Variants in SRGAP1 observed in about 807,000 individuals in gnomAD.
SRGAP1 encodes SLIT-ROBO Rho GTPase-activating protein 1.
SRGAP1 carries 43 observed loss-of-function variants against 121.9 expected under a neutral mutation model. The observed-to-expected ratio is 0.35, with a 90% CI of 0.28 to 0.46. The LOEUF (loss-of-function observed/expected upper bound fraction) is 0.46, where lower values mean the gene tolerates loss of function less well. Ranked by LOEUF, SRGAP1 falls within the 20% of genes least tolerant of loss-of-function variation. SRGAP1 has a pLI of 1.00. For synonymous variants in SRGAP1, 447 were observed against 485.4 expected, an observed-to-expected ratio of 0.92 and a Z score of 1.04; for missense variants, 1,102 against 1,350.9, an observed-to-expected ratio of 0.82 and a Z score of 2.89.
chr12:63,866,847 G>A (rs1899652075), intron 1 of SRGAP1, among the ~76,000 whole-genome samples: 1 of 151,754 alleles, frequency 6.6e-6, no homozygotes, highest in Admixed American at 6.6e-5. Context: ...AGATAAGGGA[G>A]GAGATAAGGT....
At chr12:63,913,365 C>T (rs1156515735) in intron 1 of SRGAP1, among the ~76,000 whole-genome samples, 2 of 146,814 alleles carry the variant, frequency 1.4e-5, no homozygotes, top group Non-Finnish European at 3.0e-5. Context: ...CACATATTGC[C>T]CAGGCTGGTC....
intron 18 of SRGAP1, among the ~76,000 whole-genome samples, chr12:64,122,640 G>T (rs1035110880): frequency 6.6e-6 from 1 of 152,156 alleles, no homozygotes; most frequent in African/African-American, 2.4e-5. Flanking sequence ...TGGCTTACAC[G>T]TGTAATCTCA....
At chr12:64,051,247 A>C (rs1271421353) in intron 6 of SRGAP1, among the ~76,000 whole-genome samples, 6 of 152,236 alleles carry the variant, frequency 3.9e-5, no homozygotes, top group Admixed American at 3.9e-4. Flanking sequence ...GGCATACCAC[A>C]ACATCTATTT....
chr12:64,068,203 C>T (rs1396888969), intron 8 of SRGAP1, among the ~76,000 whole-genome samples: 1 of 145,530 alleles, frequency 6.9e-6, no homozygotes, highest in Non-Finnish European at 1.5e-5. Context: ...CACTTGAACC[C>T]GGGAGATTGC....
At chr12:63,974,750 A>G (rs1314166694) in intron 1 of SRGAP1, among the ~76,000 whole-genome samples, 1 of 152,160 alleles carries the variant, frequency 6.6e-6, no homozygotes, top group East Asian at 1.9e-4. Flanking sequence ...GACCTTAGGG[A>G]GTCATATTTT....
At chr12:63,965,055 G>C (rs1182486983) in intron 1 of SRGAP1, among the ~76,000 whole-genome samples, 1 of 152,118 alleles carries the variant, frequency 6.6e-6, no homozygotes, top group East Asian at 1.9e-4. Context: ...GACTAATTAG[G>C]GGACCTTTTT....
intron 8 of SRGAP1, among the ~76,000 whole-genome samples, chr12:64,065,583 A>C (rs1481265332): frequency 6.6e-6 from 1 of 152,150 alleles, no homozygotes; most frequent in African/African-American, 2.4e-5. Flanking sequence ...TATTTTAAAA[A>C]ATATTTTGTA....
At chr12:64,133,107 G>C (rs1360947186) in intron 21 of SRGAP1, among the ~76,000 whole-genome samples, 3 of 152,180 alleles carry the variant, frequency 2.0e-5, no homozygotes, top group African/African-American at 7.2e-5. Context: ...AAATGGGAGA[G>C]TTGAATGAGG....
At chr12:63,919,019 T>G (rs1049482233) in intron 1 of SRGAP1, among the ~76,000 whole-genome samples, 2 of 152,000 alleles carry the variant, frequency 1.3e-5, no homozygotes, top group Non-Finnish European at 2.9e-5. Flanking sequence ...CGTATTTTGG[T>G]TTTTTTGGGG....
rs149459260 is a variant in SRGAP1 at position 64,003,620 on chromosome 12, G to A, written c.427-13330G>A. ...GAGGGAAGAATCAGTGTATATGAAG[G>A]TAGTGTAACAGATATTACCTGGTCT... is the stretch of plus-strand genomic sequence containing the variant. On this transcript the variant is annotated intron_variant, in intron 3 of 21. Coordinates refer to ENST00000355086, the MANE Select transcript of SRGAP1 (RefSeq NM_020762.4). Among the ~76,000 whole-genome samples, 789 of 151,988 alleles carry A rather than the reference G, an allele frequency of 5.2e-3. 5 individuals carry two copies. The highest frequency in any genetic ancestry group is 0.017 in the African/African-American group (723 of 41,460).
At chr12:64,098,669 CA>C (rs569203182) in intron 15 of SRGAP1, among the ~76,000 whole-genome samples, 1,568 of 143,140 alleles carry the variant, frequency 0.011, 36 homozygotes, top group African/African-American at 0.041. Flanking sequence ...GACTCTGTCT[CA>C]AAAAAAAATA....
At chr12:64,136,369 A>C (rs2036856004) in intron 21 of SRGAP1, among the ~76,000 whole-genome samples, 1 of 152,130 alleles carries the variant, frequency 6.6e-6, no homozygotes, top group Non-Finnish European at 1.5e-5. Context: ...CCTGTCTCCA[A>C]ATATATGTAT....
At chr12:64,123,771 A>G (rs2036643484) in intron 18 of SRGAP1, among the ~76,000 whole-genome samples, 2 of 151,492 alleles carry the variant, frequency 1.3e-5, no homozygotes, top group South Asian at 2.1e-4. Context: ...TTGGCCTCCC[A>G]AAGTGCTGGG....
chr12:64,119,412 A>G (rs966062277), intron 18 of SRGAP1, among the ~76,000 whole-genome samples: 1 of 152,244 alleles, frequency 6.6e-6, no homozygotes, highest in Non-Finnish European at 1.5e-5. Flanking sequence ...AACCCTCTAA[A>G]GCCCAACTGG....
intron 18 of SRGAP1, among the ~76,000 whole-genome samples, chr12:64,122,915 A>G (rs906880473): frequency 2.0e-5 from 3 of 152,144 alleles, no homozygotes; most frequent in African/African-American, 4.8e-5. Flanking sequence ...ATAAAATAAT[A>G]ATAAGAGGAG....
At chr12:64,045,187 T>G (rs1565654907) in intron 6 of SRGAP1, among the ~76,000 whole-genome samples, 1 of 152,182 alleles carries the variant, frequency 6.6e-6, no homozygotes, top group East Asian at 1.9e-4. Flanking sequence ...TTTTAAATAC[T>G]TACTTCTTCC....
chr12:63,855,475 T>TG (rs1899210239), intron 1 of SRGAP1, among the ~76,000 whole-genome samples: 1 of 45,116 alleles, frequency 2.2e-5, no homozygotes, highest in African/African-American at 1.3e-4. Context: ...AAAATGGTGT[T>TG]TTTTTTTTTT....
intron 1 of SRGAP1, among the ~76,000 whole-genome samples, chr12:63,895,211 G>A (rs1900716091): frequency 6.6e-6 from 1 of 152,154 alleles, no homozygotes; most frequent in Admixed American, 6.5e-5. Flanking sequence ...AAAATTTAGT[G>A]TTCAACTGAA....
At chr12:64,032,961 T>C (rs1337043323) in intron 4 of SRGAP1, among the ~76,000 whole-genome samples, 1 of 152,152 alleles carries the variant, frequency 6.6e-6, no homozygotes, top group Non-Finnish European at 1.5e-5. Flanking sequence ...CTGTACCCCA[T>C]AAATGTGTAC....
Sources: allele counts gnomAD v4.1 joint callset (sites outside exome capture counted in the v4.1 genomes callset), GRCh38; gene constraint gnomAD v4.1.1; transcripts MANE v1.5; gene names NCBI Gene and HGNC (gene_info 2026-07-23, HGNC 2026-07-21).